Variants in SHPRH observed in about 807,000 individuals in gnomAD.
SHPRH encodes the protein SNF2 histone linker PHD RING helicase, also known as E3 ubiquitin-protein ligase SHPRH.
A neutral mutation model predicts 202.5 loss-of-function variants in SHPRH; 106 were observed. The ratio of observed to expected loss-of-function variants is 0.52; its 90% confidence interval spans 0.45 to 0.62. The LOEUF is 0.62. SHPRH is among the 20% of genes least tolerant of loss of function. The pLI is 0.00. For synonymous variants in SHPRH, 729 were observed against 686.0 expected (o/e 1.06, Z -0.98); for missense variants, 1,710 against 2,020.0 (o/e 0.85, Z 2.94).
chr6:145,950,573 C>CCCAGAGTTGGG, intron 3 of SHPRH, 91 bp from the exon 4 acceptor site: 1 of 1,224,414 alleles, frequency 8.2e-7, no homozygotes, highest in Non-Finnish European at 1.2e-6. Context: ...ATGAACTTGC[C>CCCAGAGTTGGG]CAACTCTGGG....
chr6:145,942,684 C>T (rs150970454), intron 9 of SHPRH, among the ~76,000 whole-genome samples: 1 of 152,122 alleles, frequency 6.6e-6, no homozygotes, highest in African/African-American at 2.4e-5. Context: ...CAGTTCCTGG[C>T]ACATAATAAG....
intron 25 of SHPRH, among the ~76,000 whole-genome samples, chr6:145,897,344 A>G (rs145207512): frequency 2.8e-4 from 43 of 152,180 alleles, no homozygotes; most frequent in African/African-American, 1.0e-3. Context: ...TCACAAAGAA[A>G]CAGAAAATCT....
At chr6:145,946,160 T>TC (rs1355722333) in intron 7 of SHPRH, 73 bp downstream of exon 7, 2 of 1,064,664 alleles carry the variant, frequency 1.9e-6, no homozygotes, top group African/African-American at 3.2e-5. Flanking sequence ...TTACAAGATA[T>TC]CTCTAAGGAT....
chr6:145,895,768 C>G (rs1421159532), intron 25 of SHPRH, among the ~76,000 whole-genome samples: 9 of 151,970 alleles, frequency 5.9e-5, no homozygotes. Context: ...AGTTCTACAA[C>G]TCACTAGTTA....
chr6:145,934,775 A>G, intron 13 of SHPRH, 132 bp downstream of exon 13: 1 of 797,490 alleles, frequency 1.3e-6, no homozygotes. Flanking sequence ...GAGCTTCCAT[A>G]CCAAAGAAAA....
At chr6:145,923,938 C>T (rs1784642884) in intron 17 of SHPRH, among the ~76,000 whole-genome samples, 153 bp from the exon 18 acceptor site, 1 of 151,830 alleles carries the variant, frequency 6.6e-6, no homozygotes, top group African/African-American at 2.4e-5. Context: ...ATACATATTC[C>T]ATGTACAATG....
intron 25 of SHPRH, among the ~76,000 whole-genome samples, chr6:145,901,507 A>G (rs1407652790): frequency 6.6e-6 from 1 of 152,148 alleles, no homozygotes; most frequent in Admixed American, 6.6e-5. Context: ...AAAAGTAACA[A>G]AAGGAAATGT....
the SHPRH span, among the ~76,000 whole-genome samples, chr6:145,858,815 A>C: frequency 0.023 from 3,428 of 152,124 alleles, 64 homozygotes; most frequent in Non-Finnish European, 0.036. Flanking sequence ...AGAAACCTTA[A>C]AGGCTCAAAA....
intron 25 of SHPRH, chr6:145,905,173 C>T (rs979425433): frequency 4.6e-5 from 7 of 152,170 alleles, no homozygotes; most frequent in African/African-American, 1.7e-4. Flanking sequence ...GCCACCTCTT[C>T]TTAGCCACAA....
intron 2 of SHPRH, among the ~76,000 whole-genome samples, chr6:145,874,737 T>C (rs1033406000): frequency 2.0e-5 from 3 of 151,954 alleles, no homozygotes; most frequent in Non-Finnish European, 4.4e-5. Context: ...AAACAGCTCA[T>C]TCCTTATGTG....
rs759710624 is a variant in SHPRH, at chr6:145,922,701, T to C, written c.3681A>G (p.Thr1227=). The C allele has an allele frequency of 1.2e-6, 2 of 1,610,646 alleles. No individual in the cohort carries two copies. The highest frequency in any genetic ancestry group is 1.3e-5 in the African/African-American group (1 of 74,594). The change falls in exon 19 of 30, where the codon ACA becomes ACG. Residue 1227 remains threonine, a synonymous_variant. Coordinates refer to ENST00000275233, the MANE Select transcript of SHPRH (RefSeq NM_001042683.3). The part of the protein sequence containing the change: ...PPSRNVIESA[T]VCHLRPARLP... Reference sequence around the variant, plus strand: ...GTCTGGCTGGTCGGAGGTGACAGACTGTTGCAGACTCAATAACATTACGAG... The same window carrying C: ...GTCTGGCTGGTCGGAGGTGACAGACCGTTGCAGACTCAATAACATTACGAG...
intron 21 of SHPRH, among the ~76,000 whole-genome samples, chr6:145,920,287 T>G (rs1373899167): frequency 1.3e-5 from 2 of 152,076 alleles, no homozygotes; most frequent in Non-Finnish European, 2.9e-5. Flanking sequence ...AAAGGGTATG[T>G]GGCCAAACTG....
Position 145,955,250 on chromosome 6 carries a change from T to G in SHPRH, c.73A>C (p.Met25Leu), listed in dbSNP as rs752145467. 1 of 1,612,982 alleles carries G rather than the reference T, an allele frequency of 6.2e-7. No individual in the cohort carries two copies. The highest frequency in any genetic ancestry group is 8.5e-7 in the Non-Finnish European group (1 of 1,179,890). Residue 25 changes from methionine to leucine, a missense_variant, in exon 2 of 30, where the codon ATG becomes CTG. Coordinates refer to ENST00000275233, the MANE Select transcript of SHPRH (RefSeq NM_001042683.3). Reference protein sequence around the residue: ...EEKRQQLHWNMHEDRRNEPII... With the variant: ...EEKRQQLHWNLHEDRRNEPII... ...GGTTCATTCCTTCTGTCCTCATGCA[T>G]ATTCCAATGAAGCTGCTGCCTCTTT...
chr6:145,909,890 T>C (rs746247534), intron 25 of SHPRH: 6 of 152,156 alleles, frequency 3.9e-5, no homozygotes, highest in Admixed American at 2.6e-4. Context: ...TATCACATTA[T>C]AGTAATTTTC....
intron 2 of SHPRH, among the ~76,000 whole-genome samples, chr6:145,879,500 A>G (rs186451505): frequency 1.3e-5 from 2 of 152,088 alleles, no homozygotes; most frequent in African/African-American, 4.8e-5. Flanking sequence ...TTTTCTTAAA[A>G]TTTTTCAGAA....
At position 145,947,589 on chromosome 6, in the gene SHPRH, T is replaced by C. The variant is rs199973068; in HGVS notation, c.1116A>G (p.Ala372=). 1 of 1,612,944 alleles carries C rather than the reference T, an allele frequency of 6.2e-7. No homozygotes were observed. Among genetic ancestry groups the C allele is most frequent in the Non-Finnish European group, 8.5e-7 (1 of 1,179,310 alleles). The change falls in exon 6 of 30, where the codon GCA becomes GCG. Residue 372 remains alanine (A), a synonymous_variant. Transcript: ENST00000275233. The stretch of plus-strand genomic sequence containing the variant: ...CTGTCTTTCCAAGACCCATCTCATC[T>C]GCTAAAATTCCACCAAGCAACTGCG... ...SGPQLLGGIL[A]DEMGLGKTVE...
intron 2 of SHPRH, 61 bp from the exon 3 acceptor site, chr6:145,952,539 A>C (rs1223391848): frequency 6.8e-7 from 1 of 1,481,328 alleles, no homozygotes; most frequent in Admixed American, 2.2e-5. Flanking sequence ...CTTTATGAGG[A>C]CATAAGCAAG....
At chr6:145,930,242 G>C (rs1301281168) in intron 14 of SHPRH, among the ~76,000 whole-genome samples, 1 of 152,108 alleles carries the variant, frequency 6.6e-6, no homozygotes, top group African/African-American at 2.4e-5. Context: ...CTTAATGTAA[G>C]AAGATTTATA....
chr6:145,942,052 A>G (rs543056795), intron 9 of SHPRH, among the ~76,000 whole-genome samples, 178 bp from the exon 10 acceptor site: 4 of 152,312 alleles, frequency 2.6e-5, no homozygotes, highest in African/African-American at 9.6e-5. Flanking sequence ...TGAATTACAT[A>G]ACTGATGTGC....
Sources: gnomAD v4.1 joint callset for allele counts (sites outside exome capture counted in the v4.1 genomes callset) on GRCh38, gnomAD v4.1.1 for gene constraint, MANE v1.5 for transcripts, NCBI Gene and HGNC (gene_info 2026-07-23, HGNC 2026-07-21) for gene names.